Variants in PTPRD observed in about 807,000 individuals in gnomAD.
The protein encoded by PTPRD is protein tyrosine phosphatase receptor type D.
Under a neutral mutation model 214.5 loss-of-function variants are expected in PTPRD, and 34 were observed. That is an observed-to-expected ratio of 0.16 (90% confidence interval 0.12 to 0.21). The LOEUF (loss-of-function observed/expected upper bound fraction) is 0.21. Among genes scored for constraint, PTPRD ranks in the 10% least tolerant of loss-of-function variants. PTPRD has a pLI of 1.00. For missense variants in PTPRD, 2,545 were observed against 2,398.7 expected (o/e 1.06, Z -1.27); for synonymous variants, 1,128 against 845.7 (o/e 1.33, Z -5.79).
At chr9:8,670,102 C>T (rs1204986614) in intron 12 of PTPRD, among the ~76,000 whole-genome samples, 1 of 151,784 alleles carries the variant, frequency 6.6e-6, no homozygotes, top group African/African-American at 2.4e-5. Context: ...GGACAGTTCA[C>T]TCTTTGAACC....
chr9:10,568,637 T>C (rs1159875527), intron 2 of PTPRD, among the ~76,000 whole-genome samples: 1 of 152,142 alleles, frequency 6.6e-6, no homozygotes, highest in African/African-American at 2.4e-5. Context: ...AACTATCTGA[T>C]TGTTGACAAA....
At chr9:8,932,425 T>A (rs2098959273) in intron 11 of PTPRD, among the ~76,000 whole-genome samples, 1 of 152,196 alleles carries the variant, frequency 6.6e-6, no homozygotes. Flanking sequence ...TACCCAGTAG[T>A]CATTCAGGAG....
At chr9:8,335,349 A>G (rs928022050) in intron 43 of PTPRD, among the ~76,000 whole-genome samples, 3 of 152,114 alleles carry the variant, frequency 2.0e-5, no homozygotes, top group Non-Finnish European at 4.4e-5. Context: ...TACACAAATC[A>G]ATAAACATAA....
intron 36 of PTPRD, among the ~76,000 whole-genome samples, chr9:8,395,787 A>C (rs143184338): frequency 1.3e-5 from 2 of 152,002 alleles, no homozygotes; most frequent in African/African-American, 4.8e-5. Context: ...ATACCCCCAC[A>C]CTGCTGAGGA....
intron 32 of PTPRD, among the ~76,000 whole-genome samples, chr9:8,463,037 T>C (rs2096457040): frequency 6.6e-6 from 1 of 151,954 alleles, no homozygotes; most frequent in South Asian, 2.1e-4. Context: ...CATCAGTATA[T>C]ATGCTCACTT....
At chr9:9,817,085 C>T (rs1194332359) in intron 5 of PTPRD, among the ~76,000 whole-genome samples, 5 of 151,894 alleles carry the variant, frequency 3.3e-5, no homozygotes, top group African/African-American at 1.2e-4. Flanking sequence ...AATGAGCTTC[C>T]CCTAGGCAAG....
chr9:9,773,910 C>T (rs1014217066), intron 5 of PTPRD, among the ~76,000 whole-genome samples: 1 of 152,142 alleles, frequency 6.6e-6, no homozygotes, highest in Non-Finnish European at 1.5e-5. Flanking sequence ...CTTTATTCTG[C>T]ATCTTTAAAT....
At chr9:9,919,045 C>T (rs949216613) in intron 5 of PTPRD, among the ~76,000 whole-genome samples, 1 of 151,944 alleles carries the variant, frequency 6.6e-6, no homozygotes. Context: ...CATCTGGCAG[C>T]CTTTTATTTG....
chr9:9,271,887 T>C (rs996634746), intron 9 of PTPRD, among the ~76,000 whole-genome samples: 1 of 151,270 alleles, frequency 6.6e-6, no homozygotes, highest in Admixed American at 6.6e-5. Flanking sequence ...TACGGAAAAA[T>C]AGCAGCAGTT....
At chr9:9,606,961 C>G (rs1424221378) in intron 7 of PTPRD, among the ~76,000 whole-genome samples, 1 of 67,718 alleles carries the variant, frequency 1.5e-5, no homozygotes, top group Non-Finnish European at 2.5e-5. Flanking sequence ...TTACTCAGCA[C>G]TGCTAAAAAA....
chr9:9,609,837 G>C (rs1359951043), intron 7 of PTPRD, among the ~76,000 whole-genome samples: 2 of 152,096 alleles, frequency 1.3e-5, no homozygotes, highest in African/African-American at 2.4e-5. Flanking sequence ...GTTGTGTTTT[G>C]TCAATTCAGC....
chr9:9,233,619 A>T (rs1022358734), intron 9 of PTPRD, among the ~76,000 whole-genome samples: 1 of 152,242 alleles, frequency 6.6e-6, no homozygotes. Context: ...AATCAAAAGC[A>T]AGTTAGTTAC....
chr9:8,379,503 A>G (rs1202257951), intron 37 of PTPRD, among the ~76,000 whole-genome samples: 1 of 152,156 alleles, frequency 6.6e-6, no homozygotes, highest in Non-Finnish European at 1.5e-5. Context: ...ATTAGGGAGC[A>G]AGTATGAAAT....
intron 3 of PTPRD, among the ~76,000 whole-genome samples, chr9:10,268,045 C>T (rs2094183170): frequency 6.6e-6 from 1 of 151,168 alleles, no homozygotes; most frequent in Non-Finnish European, 1.5e-5. Flanking sequence ...CTTTGGGATG[C>T]TGTGGCAGAA....
intron 3 of PTPRD, among the ~76,000 whole-genome samples, chr9:10,208,779 C>G (rs1156582339): frequency 6.6e-6 from 1 of 152,046 alleles, no homozygotes; most frequent in Non-Finnish European, 1.5e-5. Context: ...TAAAATTAAG[C>G]CACTATCTTG....
At chr9:8,555,085 A>G (rs2083337463) in intron 14 of PTPRD, among the ~76,000 whole-genome samples, 1 of 152,176 alleles carries the variant, frequency 6.6e-6, no homozygotes, top group Non-Finnish European at 1.5e-5. Context: ...ATAATTTACT[A>G]ACTTCCCAGA....
At chr9:9,378,400 A>G (rs368198072) in intron 9 of PTPRD, among the ~76,000 whole-genome samples, 3 of 152,134 alleles carry the variant, frequency 2.0e-5, no homozygotes, top group Admixed American at 6.6e-5. Flanking sequence ...GTCTGGATAT[A>G]CCACAGTTTA....
At chr9:9,644,971 C>T (rs372762069) in intron 7 of PTPRD, among the ~76,000 whole-genome samples, 7 of 152,218 alleles carry the variant, frequency 4.6e-5, no homozygotes, top group East Asian at 1.9e-4. Context: ...CACACAAGAA[C>T]CTGGTTACCA....
intron 11 of PTPRD, among the ~76,000 whole-genome samples, chr9:8,939,839 T>G (rs959490524): frequency 1.3e-5 from 2 of 152,110 alleles, no homozygotes; most frequent in Non-Finnish European, 2.9e-5. Flanking sequence ...GTGTTGTACT[T>G]GGTGATAGTT....
Sources: allele counts gnomAD v4.1 joint callset (sites outside exome capture counted in the v4.1 genomes callset), GRCh38; gene constraint gnomAD v4.1.1; transcripts MANE v1.5; gene names NCBI Gene and HGNC (gene_info 2026-07-23, HGNC 2026-07-21).